PAK5: variants seen among roughly 807,000 people sequenced by gnomAD.
The protein encoded by PAK5 is serine/threonine-protein kinase PAK 5.
PAK5 carries 16 observed loss-of-function variants against 65.9 expected under a neutral mutation model. The observed-to-expected ratio is 0.24, with a 90% confidence interval of 0.16 to 0.37. The LOEUF is 0.37. PAK5 is among the 10% of genes least tolerant of loss of function. The probability of loss-of-function intolerance (pLI) is 1.00; values close to 1 mark genes in which losing one functional copy is unlikely to be tolerated. For missense variants in PAK5, 785 were observed against 903.9 expected (o/e 0.87, Z 1.69); for synonymous variants, 371 against 354.9 (o/e 1.05, Z -0.51).
intron 4 of PAK5, among the ~76,000 whole-genome samples, chr20:9,576,341 T>C (rs2045884444): frequency 6.6e-6 from 1 of 152,140 alleles, no homozygotes; most frequent in South Asian, 2.1e-4. Context: ...TATTGAACAG[T>C]TGTCCTTAAC....
At chr20:9,585,747 T>C (rs751737404) in intron 3 of PAK5, among the ~76,000 whole-genome samples, 1 of 152,188 alleles carries the variant, frequency 6.6e-6, no homozygotes, top group Non-Finnish European at 1.5e-5. Context: ...AGAGAACAGT[T>C]TTAAAACATC....
chr20:9,545,975 C>T (rs1374746993), intron 7 of PAK5, among the ~76,000 whole-genome samples: 1 of 151,992 alleles, frequency 6.6e-6, no homozygotes, highest in Non-Finnish European at 1.5e-5. Context: ...GTGCTTGGCC[C>T]ATGATAGGTT....
At chr20:9,666,744 A>G (rs1025482711) in intron 2 of PAK5, among the ~76,000 whole-genome samples, 1 of 152,198 alleles carries the variant, frequency 6.6e-6, no homozygotes, top group African/African-American at 2.4e-5. Context: ...GTGTGTTTGT[A>G]TCTGTGTGTA....
At chr20:9,718,371 A>G (rs2048174657) in intron 1 of PAK5, among the ~76,000 whole-genome samples, 1 of 152,044 alleles carries the variant, frequency 6.6e-6, no homozygotes, top group African/African-American at 2.4e-5. Flanking sequence ...CAGATCTGCA[A>G]TTTAGAACGG....
chr20:9,687,886 GGTGT>G (rs111641971), intron 2 of PAK5, among the ~76,000 whole-genome samples: 8,139 of 148,632 alleles, frequency 0.055, 425 homozygotes, highest in African/African-American at 0.14. Flanking sequence ...AAGAGAGGGA[GGTGT>G]GTGTGTGTGT....
At chr20:9,735,955 G>A (rs939512978) in intron 1 of PAK5, among the ~76,000 whole-genome samples, 2 of 149,184 alleles carry the variant, frequency 1.3e-5, no homozygotes, top group African/African-American at 5.0e-5. Flanking sequence ...AGGCTGGAGT[G>A]CAATGGCATG....
At chr20:9,602,738 G>C (rs116201309) in intron 3 of PAK5, among the ~76,000 whole-genome samples, 3 of 152,166 alleles carry the variant, frequency 2.0e-5, no homozygotes, top group Admixed American at 6.5e-5. Context: ...ACACAGAAAG[G>C]ATCCTCTTCA....
chr20:9,577,373 A>C (rs2045902886), intron 4 of PAK5: 2 of 152,154 alleles, frequency 1.3e-5, no homozygotes, highest in Admixed American at 1.3e-4. Context: ...AAAATGTAAA[A>C]CTGTGTCAAA....
At chr20:9,724,245 A>G (rs1364311341) in intron 1 of PAK5, among the ~76,000 whole-genome samples, 1 of 152,194 alleles carries the variant, frequency 6.6e-6, no homozygotes, top group African/African-American at 2.4e-5. Context: ...CCAAAGTATG[A>G]TATTTTTAAG....
intron 1 of PAK5, among the ~76,000 whole-genome samples, chr20:9,793,432 A>C (rs1168426387): frequency 6.6e-6 from 1 of 152,154 alleles, no homozygotes; most frequent in Non-Finnish European, 1.5e-5. Flanking sequence ...AAGAGAGCTG[A>C]CTCAGAGTGT....
intron 4 of PAK5, among the ~76,000 whole-genome samples, chr20:9,573,236 A>G (rs1272536984): frequency 2.0e-5 from 3 of 152,204 alleles, no homozygotes; most frequent in Non-Finnish European, 2.9e-5. Flanking sequence ...AAAGAAAAAG[A>G]GCAAAAAAGA....
At chr20:9,559,105 T>A (rs1329870512) in intron 6 of PAK5, among the ~76,000 whole-genome samples, 1 of 152,198 alleles carries the variant, frequency 6.6e-6, no homozygotes, top group Non-Finnish European at 1.5e-5. Context: ...GAGAATTATT[T>A]GGATGGCACA....
At chr20:9,677,249 A>G (rs1366417420) in intron 2 of PAK5, among the ~76,000 whole-genome samples, 1 of 152,176 alleles carries the variant, frequency 6.6e-6, no homozygotes, top group African/African-American at 2.4e-5. Context: ...CAACAAATCT[A>G]ATGTGACTCA....
At chr20:9,691,027 T>C (rs758944663) in intron 2 of PAK5, among the ~76,000 whole-genome samples, 1 of 152,060 alleles carries the variant, frequency 6.6e-6, no homozygotes, top group Non-Finnish European at 1.5e-5. Context: ...AGTGCTGGGA[T>C]TACAGGTGTG....
At chr20:9,788,924 C>T (rs1475329327) in intron 1 of PAK5, among the ~76,000 whole-genome samples, 1 of 152,138 alleles carries the variant, frequency 6.6e-6, no homozygotes, top group African/African-American at 2.4e-5. Context: ...CTTTCAACAA[C>T]CATCAAACAC....
chr20:9,715,664 A>T (rs964157356), intron 1 of PAK5, among the ~76,000 whole-genome samples: 2 of 151,998 alleles, frequency 1.3e-5, no homozygotes, highest in African/African-American at 2.4e-5. Context: ...CAACAATGAT[A>T]GACAGAATTA....
intron 1 of PAK5, among the ~76,000 whole-genome samples, chr20:9,731,020 T>A (rs1166176555): frequency 1.3e-5 from 2 of 152,180 alleles, no homozygotes; most frequent in African/African-American, 2.4e-5. Context: ...GTGGATATTA[T>A]CTTGACAAGG....
intron 3 of PAK5, among the ~76,000 whole-genome samples, chr20:9,641,886 CG>C (rs1359343494): frequency 6.6e-6 from 1 of 152,140 alleles, no homozygotes; most frequent in Non-Finnish European, 1.5e-5. Flanking sequence ...GCTCCGAGTG[CG>C]GGGCCCACCA....
chr20:9,734,552 GCA>G (rs56706449), intron 1 of PAK5, among the ~76,000 whole-genome samples: 103 of 149,396 alleles, frequency 6.9e-4, no homozygotes, highest in Admixed American at 8.7e-4. Flanking sequence ...ACGCGCACAT[GCA>G]CACACACACA....
Sources: allele counts gnomAD v4.1 joint callset (sites outside exome capture counted in the v4.1 genomes callset), GRCh38; gene constraint gnomAD v4.1.1; transcripts MANE v1.5; gene names NCBI Gene and HGNC (gene_info 2026-07-23, HGNC 2026-07-21).